Variants in PXDNL observed in about 807,000 individuals in gnomAD.
PXDNL encodes peroxidasin like, also known as probable oxidoreductase PXDNL.
In PXDNL, 145 loss-of-function variants were observed where a neutral mutation model predicts 150.8. That is an observed-to-expected ratio of 0.96 (90% CI 0.84 to 1.10). The LOEUF is 1.10. Among genes scored for constraint, PXDNL ranks in the 50% least tolerant of loss-of-function variants. The pLI, the probability that PXDNL is intolerant of heterozygous loss-of-function variation, is 0.00. For synonymous variants in PXDNL, 757 were observed against 725.7 expected, an observed-to-expected ratio of 1.04 and a Z score of -0.69; for missense variants, 2,087 against 1,873.9, an observed-to-expected ratio of 1.11 and a Z score of -2.10.
intron 14 of PXDNL, among the ~76,000 whole-genome samples, chr8:51,418,104 T>C (rs1322272968): frequency 6.6e-6 from 1 of 152,232 alleles, no homozygotes. Context: ...ATGTGGTCAC[T>C]GTATATTTTA....
At chr8:51,392,050 G>A (rs1041171401) in intron 17 of PXDNL, among the ~76,000 whole-genome samples, 2 of 152,154 alleles carry the variant, frequency 1.3e-5, no homozygotes, top group African/African-American at 4.8e-5. Context: ...GATAGTTGTA[G>A]ATATGTGACG....
At chr8:51,687,446 C>A (rs939147463) in intron 1 of PXDNL, among the ~76,000 whole-genome samples, 1 of 152,114 alleles carries the variant, frequency 6.6e-6, no homozygotes. Context: ...TAGAAGTAAA[C>A]CTAGCAGAAA....
At position 51,408,709 on chromosome 8, in the gene PXDNL, G is replaced by T. The variant is rs761960247; in HGVS notation, c.2915C>A (p.Thr972Asn). 4.4e-6 allele frequency: 7 copies of T among 1,594,172 alleles called. No homozygotes were observed. The highest frequency in any genetic ancestry group is 6.0e-6 in the Non-Finnish European group (7 of 1,170,092). Residue 972 changes from threonine to asparagine, a missense_variant, in exon 17 of 23, where the codon ACC becomes AAC. Physicochemically the swap from Thr to Asn is moderately conservative, Grantham distance 65. Coordinates refer to ENST00000356297, the MANE Select transcript of PXDNL (RefSeq NM_144651.5). Reference sequence around the variant, plus strand: ...CCTGTTGTGTTCCCGGAACCACAGGGTGTGCATGGCGGCCAGAGCCAGATG... The same window carrying T: ...CCTGTTGTGTTCCCGGAACCACAGGTTGTGCATGGCGGCCAGAGCCAGATG... Reference protein sequence around the residue: ...NEHLALAAMHTLWFREHNRMA... With the variant: ...NEHLALAAMHNLWFREHNRMA...
At chr8:51,529,801 C>T (rs1811853229) in intron 4 of PXDNL, among the ~76,000 whole-genome samples, 1 of 152,200 alleles carries the variant, frequency 6.6e-6, no homozygotes, top group African/African-American at 2.4e-5. Context: ...ACACCCCTTC[C>T]ATTCTTCCAC....
intron 2 of PXDNL, among the ~76,000 whole-genome samples, chr8:51,613,249 G>A (rs1347767869): frequency 6.6e-6 from 1 of 151,896 alleles, no homozygotes; most frequent in Non-Finnish European, 1.5e-5. Context: ...GGGATGTGAA[G>A]ATGTTAAGCC....
At chr8:51,744,088 AGGAAGG>A (rs2036943064) in intron 1 of PXDNL, among the ~76,000 whole-genome samples, 1 of 120,400 alleles carries the variant, frequency 8.3e-6, no homozygotes, top group African/African-American at 3.4e-5. Flanking sequence ...GAAGGAAGGA[AGGAAGG>A]AAAGAAAGAA....
chr8:51,562,417 T>A (rs1393261605), intron 3 of PXDNL, among the ~76,000 whole-genome samples: 1 of 152,028 alleles, frequency 6.6e-6, no homozygotes, highest in Non-Finnish European at 1.5e-5. Context: ...ATAGCCCCAA[T>A]AATAACTTAT....
At chr8:51,370,865 G>C (rs1746743494) in intron 19 of PXDNL, among the ~76,000 whole-genome samples, 1 of 152,208 alleles carries the variant, frequency 6.6e-6, no homozygotes, top group Non-Finnish European at 1.5e-5. Flanking sequence ...CCAAAGTGCT[G>C]GGATTACAGG....
chr8:51,415,585 T>C (rs1312320393), intron 14 of PXDNL, among the ~76,000 whole-genome samples: 3 of 152,090 alleles, frequency 2.0e-5, no homozygotes, highest in Non-Finnish European at 4.4e-5. Flanking sequence ...CAACTGGACA[T>C]GAGATATGGA....
At chr8:51,632,182 T>A (rs1814503686) in intron 2 of PXDNL, among the ~76,000 whole-genome samples, 1 of 152,136 alleles carries the variant, frequency 6.6e-6, no homozygotes, top group African/African-American at 2.4e-5. Context: ...AGTTCTACAG[T>A]AATAGTTGGA....
intron 8 of PXDNL, 21 bp downstream of exon 8, chr8:51,472,166 A>C: frequency 6.8e-7 from 1 of 1,479,378 alleles, no homozygotes. Flanking sequence ...ATCACAACCC[A>C]TGTCCATGCT....
intron 18 of PXDNL, among the ~76,000 whole-genome samples, chr8:51,372,632 A>C (rs986284553): frequency 6.6e-6 from 1 of 152,154 alleles, no homozygotes; most frequent in African/African-American, 2.4e-5. Flanking sequence ...TGATCTGCCC[A>C]CCTCGGCCTC....
Position 51,354,773 on chromosome 8 carries a change from G to T in PXDNL, c.3902-8826C>A, listed in dbSNP as rs182005199. Reference sequence around the variant, plus strand: ...TTTTTCTTTCTTATGTGATAGAATAGATTGTAAATAAATGCAGAATGCTGT... The same window carrying T: ...TTTTTCTTTCTTATGTGATAGAATATATTGTAAATAAATGCAGAATGCTGT... On this transcript the variant is annotated intron_variant, in intron 19 of 22. Coordinates refer to ENST00000356297, the MANE Select transcript of PXDNL (RefSeq NM_144651.5). Among the ~76,000 whole-genome samples, 1,053 of 152,150 alleles carry T rather than the reference G, an allele frequency of 6.9e-3. 7 individuals carry two copies. Among genetic ancestry groups the T allele is most frequent in the Non-Finnish European group, 0.011 (738 of 67,906 alleles).
At chr8:51,802,222 C>G (rs777394718) in intron 1 of PXDNL, among the ~76,000 whole-genome samples, 10 of 151,038 alleles carry the variant, frequency 6.6e-5, no homozygotes, top group Non-Finnish European at 1.3e-4. Context: ...CAGAATTGCA[C>G]AGTTAATGTT....
At chr8:51,732,323 C>A (rs1227035386) in intron 1 of PXDNL, among the ~76,000 whole-genome samples, 1 of 152,202 alleles carries the variant, frequency 6.6e-6, no homozygotes, top group Non-Finnish European at 1.5e-5. Flanking sequence ...TAGCAACGGT[C>A]ACCTTAATTC....
intron 1 of PXDNL, among the ~76,000 whole-genome samples, chr8:51,715,806 G>T (rs1024896386): frequency 6.6e-6 from 1 of 151,998 alleles, no homozygotes; most frequent in African/African-American, 2.4e-5. Context: ...TCATTGCTTT[G>T]GCTATTGGTT....
intron 5 of PXDNL, among the ~76,000 whole-genome samples, chr8:51,499,242 G>T (rs1811127086): frequency 1.3e-5 from 2 of 152,162 alleles, no homozygotes; most frequent in Non-Finnish European, 2.9e-5. Context: ...TGATTCTCAT[G>T]CCTCAGCCTC....
intron 4 of PXDNL, among the ~76,000 whole-genome samples, chr8:51,502,015 A>G (rs1198979070): frequency 6.6e-6 from 1 of 152,240 alleles, no homozygotes; most frequent in Non-Finnish European, 1.5e-5. Flanking sequence ...ACAAATAGAC[A>G]TTTTATGAAG....
intron 1 of PXDNL, among the ~76,000 whole-genome samples, chr8:51,682,593 C>G (rs1175224624): frequency 6.6e-6 from 1 of 152,186 alleles, no homozygotes. Flanking sequence ...GCCACTTATT[C>G]TCCCCTAACC....
Sources: allele counts gnomAD v4.1 joint callset (sites outside exome capture counted in the v4.1 genomes callset), GRCh38; gene constraint gnomAD v4.1.1; transcripts MANE v1.5; gene names NCBI Gene and HGNC (gene_info 2026-07-23, HGNC 2026-07-21).